Variants in DYNLT5 observed in about 807,000 individuals in gnomAD.
DYNLT5 encodes dynein light chain Tctex-type family member 5, also known as dynein light chain Tctex-type 5.
DYNLT5 carries 25 observed loss-of-function variants against 19.3 expected under a neutral mutation model. That is an observed-to-expected ratio of 1.30 (90% CI 0.95 to 1.81). DYNLT5 has a LOEUF of 1.81. Among genes scored for constraint, DYNLT5 ranks in the 40% most tolerant of loss-of-function variants. DYNLT5 has a pLI of 0.00. For missense variants in DYNLT5, 232 were observed against 217.9 expected (o/e 1.06, Z -0.41); for synonymous variants, 82 against 68.9 (o/e 1.19, Z -0.94).
At chr1:66,754,868 A>G in intron 2 of DYNLT5, 91 bp downstream of exon 2, 2 of 1,337,182 alleles carry the variant, frequency 1.5e-6, no homozygotes, top group Non-Finnish European at 2.0e-6. Context: ...TCGGGGACAT[A>G]AAAAGAGATA....
At chr1:66,772,093 T>C (rs1279497172) in intron 3 of DYNLT5, among the ~76,000 whole-genome samples, 1 of 152,210 alleles carries the variant, frequency 6.6e-6, no homozygotes, top group Non-Finnish European at 1.5e-5. Flanking sequence ...TACTTGTTTC[T>C]GGGTTTATTT....
At chr1:66,763,486 G>T (rs1041910134) in intron 2 of DYNLT5, among the ~76,000 whole-genome samples, 3 of 152,304 alleles carry the variant, frequency 2.0e-5, no homozygotes, top group South Asian at 2.1e-4. Flanking sequence ...TCTGAAATAA[G>T]ACTGTTTCAT....
At chr1:66,766,790 C>G (rs1010889954) in intron 2 of DYNLT5, among the ~76,000 whole-genome samples, 2 of 151,998 alleles carry the variant, frequency 1.3e-5, no homozygotes, top group African/African-American at 4.8e-5. Context: ...TAAACATTTC[C>G]TATACTTTTT....
At chr1:66,755,614 A>G (rs1213894363) in intron 2 of DYNLT5, 2 of 152,210 alleles carry the variant, frequency 1.3e-5, no homozygotes, top group African/African-American at 4.8e-5. Context: ...AATAATTAGA[A>G]TTCTGAAACC....
At chr1:66,757,653 A>G (rs2094638576) in intron 2 of DYNLT5, among the ~76,000 whole-genome samples, 1 of 152,164 alleles carries the variant, frequency 6.6e-6, no homozygotes, top group Non-Finnish European at 1.5e-5. Context: ...AATAGCTAAC[A>G]TTTATAGGGC....
Position 66,770,466 on chromosome 1 carries a change from A to T in DYNLT5, c.199A>T (p.Thr67Ser). The change falls in exon 3 of 5, where the codon ACC becomes TCC. Residue 67 changes from threonine to serine, a missense_variant. By Grantham distance (58) the Thr-to-Ser change is moderately conservative (BLOSUM62 1). Transcript: ENST00000282670. Reference protein sequence around the residue: ...ISRLTVQMENTYQLGPPKHFP... With the variant: ...ISRLTVQMENSYQLGPPKHFP... The stretch of plus-strand genomic sequence containing the variant: ...TCGCCTTACAGTTCAGATGGAAAAC[A>T]CCTATCAGTTGGGTGTGTTCTTTTA... 1.2e-6 allele frequency: 2 copies of T among 1,612,688 alleles called. No individual in the cohort carries two copies. The highest frequency in any genetic ancestry group is 1.7e-6 in the Non-Finnish European group (2 of 1,178,880).
chr1:66,756,117 T>G (rs2094635574), intron 2 of DYNLT5, among the ~76,000 whole-genome samples: 1 of 152,204 alleles, frequency 6.6e-6, no homozygotes, highest in African/African-American at 2.4e-5. Flanking sequence ...TGAATATAAA[T>G]ACATATTAAA....
chr1:66,776,456 G>C lies in DYNLT5; in HGVS notation c.336+53G>C, dbSNP rs992741384. Reference sequence around the variant, plus strand: ...AACAATAGCTAGAATATTTGCTAAAGTACAACGGACCCTCTACTTTTTTGA... The same window carrying C: ...AACAATAGCTAGAATATTTGCTAAACTACAACGGACCCTCTACTTTTTTGA... On this transcript the variant is annotated intron_variant, in intron 4 of 4. Transcript: ENST00000282670. 1.0e-5 allele frequency: 16 copies of C among 1,545,670 alleles called. No homozygotes were observed. The Admixed American group carries it at 3.2e-4, about 31-fold the overall frequency.
chr1:66,756,057 T>A (rs915869549), intron 2 of DYNLT5, among the ~76,000 whole-genome samples: 1 of 152,174 alleles, frequency 6.6e-6, no homozygotes, highest in Non-Finnish European at 1.5e-5. Flanking sequence ...AGAATCAGAG[T>A]GTGGCTACAT....
At chr1:66,773,990 C>T (rs1281654484) in intron 3 of DYNLT5, among the ~76,000 whole-genome samples, 1 of 152,102 alleles carries the variant, frequency 6.6e-6, no homozygotes, top group African/African-American at 2.4e-5. Context: ...GAAAAGAATA[C>T]TTCATTACCA....
At position 66,777,286 on chromosome 1, in the gene DYNLT5, A is replaced by G. The variant is rs1308271675; in HGVS notation, c.372A>G (p.Pro124=). The G allele has an allele frequency of 6.8e-6, 11 of 1,613,132 alleles. No homozygotes were observed. The highest frequency in any genetic ancestry group is 9.3e-6 in the Non-Finnish European group (11 of 1,179,376). The change falls in exon 5 of 5, where the codon CCA becomes CCG. Residue 124 remains proline, a synonymous_variant. Transcript: ENST00000282670. Reference sequence around the variant, plus strand: ...CCCAGGTCAAGGACTTGATGATTCCACGGTATAAACTAATTGTGATTGTTC... The same window carrying G: ...CCCAGGTCAAGGACTTGATGATTCCGCGGTATAAACTAATTGTGATTGTTC... ...IKAQVKDLMI[P]RYKLIVIVHI... is the part of the protein sequence containing the mutation.
Position 66,754,823 on chromosome 1 carries a change from G to A in DYNLT5, c.119+46G>A, listed in dbSNP as rs145181350. The A allele has an allele frequency of 6.9e-5, 108 of 1,561,832 alleles. No individual in the cohort carries two copies. The African/African-American group carries it at 1.3e-3, about 19-fold the overall frequency. ...GTAAATTCATTTATTGAATAAATAG[G>A]TTCGTAATGTTTATTAGGAGAAAAA... On this transcript the variant is annotated intron_variant, in intron 2 of 4. Transcript: ENST00000282670.
chr1:66,770,434 A>G lies in DYNLT5; in HGVS notation c.167A>G (p.Asp56Gly). The G allele has an allele frequency of 1.9e-6, 3 of 1,613,626 alleles. No individual in the cohort carries two copies. Among genetic ancestry groups the G allele is most frequent in the South Asian group, 1.1e-5 (1 of 91,070 alleles). The change falls in exon 3 of 5, where the codon GAT becomes GGT. Residue 56 changes from aspartate to glycine, a missense_variant. Physicochemically the swap from Asp to Gly is moderately conservative, Grantham distance 94. Transcript: ENST00000282670. ...SYMEEPSQRD[D>G]ISRLTVQMEN... is the part of the protein sequence containing the mutation. ...ATGGAAGAACCCAGTCAGCGTGATG[A>G]TATCTCTCGCCTTACAGTTCAGATG...
chr1:66,758,399 AGGCTT>A (rs61427867), intron 2 of DYNLT5, among the ~76,000 whole-genome samples: 3,929 of 152,268 alleles, frequency 0.026, 156 homozygotes, highest in African/African-American at 0.09. Flanking sequence ...CATGATGTCT[AGGCTT>A]GTTATCTGTG....
Position 66,777,542 on chromosome 1 carries a change from G to A in DYNLT5, c.*88G>A. ...CAAAAGTTTTACTGCCAAAAACTTT[G>A]AGAAAGAAACAACACTGATATTTCA... On this transcript the variant is annotated 3_prime_UTR_variant, in exon 5 of 5. Transcript: ENST00000282670. The A allele has an allele frequency of 1.7e-6, 2 of 1,163,436 alleles. No homozygotes were observed. Among genetic ancestry groups the A allele is most frequent in the East Asian group, 2.4e-5 (1 of 41,658 alleles). The allele number at this position is 1,163,436 out of a possible 1,614,324, so 72.1% of individuals were successfully genotyped here.
At chr1:66,762,467 C>T (rs1251548908) in intron 2 of DYNLT5, among the ~76,000 whole-genome samples, 2 of 152,302 alleles carry the variant, frequency 1.3e-5, no homozygotes, top group East Asian at 3.9e-4. Context: ...ACTGCATCTG[C>T]AGTTACTTCC....
intron 2 of DYNLT5, among the ~76,000 whole-genome samples, chr1:66,758,344 G>T (rs2094640105): frequency 6.6e-6 from 1 of 152,168 alleles, no homozygotes; most frequent in African/African-American, 2.4e-5. Flanking sequence ...CCTTAAAATG[G>T]AAACAGAAGC....
rs2133173 is a variant in DYNLT5 at position 66,777,341 on chromosome 1, C to A, written c.427C>A (p.Leu143Ile). 0.29 allele frequency: 461,252 copies of A among 1,613,336 alleles called. 69,083 individuals are homozygous for A. Among genetic ancestry groups the A allele is most frequent in the Non-Finnish European group, 0.31 (363,263 of 1,179,562 alleles). ...TGGACAACTGAACAGGCAGAGCATA[C>A]TTATTGGAAGCAGATGCCTCTGGGA... is the stretch of plus-strand genomic sequence containing the variant. Reference protein sequence around the residue: ...HIGQLNRQSILIGSRCLWDPK... With the variant: ...HIGQLNRQSIIIGSRCLWDPK... The change falls in exon 5 of 5, where the codon CTT becomes ATT. Residue 143 changes from leucine (L) to isoleucine (I), a missense_variant. By Grantham distance (5) the Leu-to-Ile change is conservative (BLOSUM62 2). Coordinates refer to ENST00000282670, the MANE Select transcript of DYNLT5 (RefSeq NM_152665.3).
At chr1:66,774,040 T>A (rs928067678) in intron 3 of DYNLT5, among the ~76,000 whole-genome samples, 1 of 151,066 alleles carries the variant, frequency 6.6e-6, no homozygotes, top group Non-Finnish European at 1.5e-5. Flanking sequence ...GGTTAATGAC[T>A]TTTTTTTTAA....
Sources: allele counts gnomAD v4.1 joint callset (sites outside exome capture counted in the v4.1 genomes callset), GRCh38; gene constraint gnomAD v4.1.1; transcripts MANE v1.5; gene names NCBI Gene and HGNC (gene_info 2026-07-23, HGNC 2026-07-21).